The following FASN variants were observed in gnomAD, a reference collection of about 807,000 sequenced individuals.
FASN encodes 3-hydroxyacyl-[acyl-carrier-protein] dehydratase.
Under a neutral mutation model 250.0 loss-of-function variants are expected in FASN, and 50 were observed. That is an observed-to-expected ratio of 0.20 (90% confidence interval 0.16 to 0.25). FASN has a LOEUF of 0.25. FASN is among the 10% of genes least tolerant of loss of function. FASN has a pLI of 1.00. For missense variants in FASN, 3,031 were observed against 3,498.5 expected (o/e 0.87, Z 3.37); for synonymous variants, 1,909 against 1,584.0 (o/e 1.21, Z -4.87).
Position 82,096,305 on chromosome 17 carries a change from C to T in FASN, c.127+14G>A, listed in dbSNP as rs1158131915. 1.9e-5 allele frequency: 30 copies of T among 1,611,794 alleles called. No individual in the cohort carries two copies. Among genetic ancestry groups the T allele is most frequent in the Non-Finnish European group, 2.5e-5 (30 of 1,179,890 alleles). ...CTTCACACCCCAGGCACGGGGAGCC[C>T]CGCAGCCACATACCCGCCTTCCAGC... On this transcript the variant is annotated intron_variant, in intron 2 of 42. Coordinates refer to ENST00000306749, the MANE Select transcript of FASN (RefSeq NM_004104.5).
At position 82,084,391 on chromosome 17, in the gene FASN, G is replaced by A. The variant is rs1201495954; in HGVS notation, c.4769-7C>T. On this transcript the variant is annotated splice_polypyrimidine_tract_variant and splice_region_variant and intron_variant, in intron 27 of 42. Coordinates refer to ENST00000306749, the MANE Select transcript of FASN (RefSeq NM_004104.5). Reference sequence around the variant, plus strand: ...TCCTGGGAGGTCCACTTCCCTGGGGGAGACGGCACTGAGCCCCTCACCGCC... The same window carrying A: ...TCCTGGGAGGTCCACTTCCCTGGGGAAGACGGCACTGAGCCCCTCACCGCC... 1 of 1,603,868 alleles carries A rather than the reference G, an allele frequency of 6.2e-7. No individual in the cohort carries two copies. Among genetic ancestry groups the A allele is most frequent in the Non-Finnish European group, 8.5e-7 (1 of 1,176,000 alleles).
At chr17:82,097,647 G>C (rs752647144) in intron 1 of FASN, 20 of 152,116 alleles carry the variant, frequency 1.3e-4, no homozygotes, top group African/African-American at 4.8e-4. Context: ...GGGGCTGCTC[G>C]GGACCCCTGC....
chr17:82,094,674 G>A (rs970863755), intron 3 of FASN, among the ~76,000 whole-genome samples: 5 of 151,318 alleles, frequency 3.3e-5, no homozygotes, highest in Admixed American at 6.6e-5. Flanking sequence ...CTGTAGTCCC[G>A]GCCACTCAGG....
rs767936043 is a variant in FASN at position 82,095,356 on chromosome 17, G to A, written c.244C>T (p.Leu82=). 1 of 1,612,762 alleles carries A rather than the reference G, an allele frequency of 6.2e-7. No individual in the cohort carries two copies. The highest frequency in any genetic ancestry group is 8.5e-7 in the Non-Finnish European group (1 of 1,180,028). ...AHTMDPQLRL[L]LEVTYEAIVD... ...ATGGCTTCATAGGTGACTTCCAGCAGCAGCCGCAGCTGAGGGTCCATCGTG... is the reference window on the plus strand; with the variant it reads ...ATGGCTTCATAGGTGACTTCCAGCAACAGCCGCAGCTGAGGGTCCATCGTG... Residue 82 remains leucine (L), a synonymous_variant, in exon 3 of 43, where the codon CTG becomes TTG. Transcript: ENST00000306749.
chr17:82,098,188 T>G lies in FASN; in HGVS notation c.-75A>C, dbSNP rs1568120404. ...GCTGGAGCGCGGCGGAGCGGGAGGC[T>G]GAAGCGCGGCGGAGAGGGAGGCCGG... On this transcript the variant is annotated 5_prime_UTR_variant, in exon 1 of 43. Transcript: ENST00000306749. 1.7e-5 allele frequency: 6 copies of G among 363,120 alleles called. No individual in the cohort carries two copies. The highest frequency in any genetic ancestry group is 4.3e-5 in the African/African-American group (2 of 46,754). The allele number at this position is 363,120 out of a possible 1,614,324, so 22.5% of individuals were successfully genotyped here. A position where few individuals can be genotyped will look rare whatever the true frequency, so the allele number is the denominator to read the frequency against.
In FASN at chr17:82,084,827, C is replaced by A; in HGVS notation, c.4536G>T (p.Gly1512=). 2.6e-6 allele frequency: 4 copies of A among 1,550,334 alleles called. No homozygotes were observed. The highest frequency in any genetic ancestry group is 3.5e-6 in the Non-Finnish European group (4 of 1,146,956). Residue 1512 remains glycine, a synonymous_variant, in exon 26 of 43, where the codon GGG becomes GGT. Coordinates refer to ENST00000306749, the MANE Select transcript of FASN (RefSeq NM_004104.5). The part of the protein sequence containing the change: ...VMNVYRDGAW[G]AFRHFLLEED... ...CCTCCAGCAGGAAGTGGCGGAAAGC[C>A]CCCCAGGCCCCGTCGCGGTAGACGT... is the stretch of plus-strand genomic sequence containing the variant.
intron 15 of FASN, 35 bp downstream of exon 15, chr17:82,088,726 C>T: frequency 6.3e-7 from 1 of 1,584,204 alleles, no homozygotes; most frequent in South Asian, 1.1e-5. Context: ...GTCCCCGACT[C>T]CGGGAGACGA....
intron 5 of FASN, 39 bp downstream of exon 5, chr17:82,093,172 CCTGTGCCA>C (rs762000586): frequency 2.7e-4 from 413 of 1,543,780 alleles, no homozygotes; most frequent in Non-Finnish European, 1.2e-4. Context: ...GGGGGGCCGT[CCTGTGCCA>C]CTGTCCCGCC....
At chr17:82,092,119 C>T (rs1347850784) in intron 8 of FASN, among the ~76,000 whole-genome samples, 1 of 152,128 alleles carries the variant, frequency 6.6e-6, no homozygotes, top group Non-Finnish European at 1.5e-5. Context: ...GGGTGGGCGA[C>T]ACGGGAGACC....
At position 82,084,865 on chromosome 17, in the gene FASN, C is replaced by T; in HGVS notation, c.4498G>A (p.Asp1500Asn). The T allele has an allele frequency of 3.2e-6, 5 of 1,550,596 alleles. No homozygotes were observed. The South Asian group carries it at 3.6e-5, about 11-fold the overall frequency. The change falls in exon 26 of 43, where the codon GAC (aspartate) becomes AAC (asparagine). Residue 1500 changes from aspartate to asparagine, a missense_variant. Transcript: ENST00000306749. The part of the protein sequence containing the change: ...SAELQKVLQG[D>N]LVMNVYRDGA... ...TCGCGGTAGACGTTCATCACCAGGTCTCCCTGCAACACCTTCTGCAGTTCT... is the reference window on the plus strand; with the variant it reads ...TCGCGGTAGACGTTCATCACCAGGTTTCCCTGCAACACCTTCTGCAGTTCT...
At chr17:82,090,592 G>A in intron 10 of FASN, 28 bp from the exon 11 acceptor site, 3 of 1,593,738 alleles carry the variant, frequency 1.9e-6, no homozygotes. Context: ...CACTCAGGTT[G>A]CAACCTCCAG....
In FASN at chr17:82,089,766, G is replaced by C. The variant is rs1424263553; in HGVS notation, c.1871-40C>G. On this transcript the variant is annotated intron_variant, in intron 11 of 42. Transcript: ENST00000306749. ...GCCTCAGAGGCTTAGCGTGGACACC[G>C]AGCCGCTCCCAGCCACCCACCCACC... 3.3e-6 allele frequency: 5 copies of C among 1,530,196 alleles called. No individual in the cohort carries two copies. The African/African-American group carries it at 4.1e-5, about 13-fold the overall frequency. 94.8% of individuals were successfully genotyped at this position (1,530,196 alleles called of 1,614,324 possible). A position where few individuals can be genotyped will look rare whatever the true frequency, so the allele number is the denominator to read the frequency against.
rs370621504 is a variant in FASN at position 82,092,851 on chromosome 17, G to A, written c.779-39C>T. ...GGCTCAGTGCTGCAGCCCCAGCCCC[G>A]GCTCCCACCTGCCCCCCAGCACCCC... On this transcript the variant is annotated intron_variant, in intron 6 of 42. Coordinates refer to ENST00000306749, the MANE Select transcript of FASN (RefSeq NM_004104.5). 225 of 1,585,080 alleles carry A rather than the reference G, an allele frequency of 1.4e-4. 1 individual carries two copies. Among genetic ancestry groups the A allele is most frequent in the African/African-American group, 1.3e-3 (96 of 74,468 alleles).
Position 82,080,598 on chromosome 17 carries a change from G to A in FASN, c.6827-8C>T, listed in dbSNP as rs555378711. On this transcript the variant is annotated splice_region_variant and splice_polypyrimidine_tract_variant and intron_variant, in intron 39 of 42. Transcript: ENST00000306749. ...TGCTGTCAAGGGGCGCAGCTGCAAT[G>A]GCAGTGCCGGGCACTCAGCATGTGC... The A allele has an allele frequency of 1.9e-6, 3 of 1,552,678 alleles. No individual in the cohort carries two copies. In the African/African-American group the frequency reaches 4.1e-5, roughly 21 times the overall value.
chr17:82,092,491 G>A lies in FASN; in HGVS notation c.993C>T (p.His331=), dbSNP rs1167342069. 1.9e-6 allele frequency: 3 copies of A among 1,594,076 alleles called. No homozygotes were observed. The highest frequency in any genetic ancestry group is 1.7e-5 in the Admixed American group (1 of 57,394). The change falls in exon 8 of 43, where the codon CAC becomes CAT. Residue 331 remains histidine (H), a synonymous_variant. Coordinates refer to ENST00000306749, the MANE Select transcript of FASN (RefSeq NM_004104.5). ...CTGCCAGCCCCGAGGCTGGCTCCGG[G>A]TGCCCCATGTTGGACTTGGTGGAGC... ...LIGSTKSNMG[H]PEPASGLAAL...
intron 10 of FASN, 24 bp from the exon 11 acceptor site, chr17:82,090,588 G>A: frequency 1.2e-6 from 2 of 1,601,436 alleles, no homozygotes; most frequent in Non-Finnish European, 1.7e-6. Flanking sequence ...AGGACACTCA[G>A]GTTGCAACCT....
At chr17:82,093,846 G>C in intron 3 of FASN, 75 bp from the exon 4 acceptor site, 28 of 1,444,350 alleles carry the variant, frequency 1.9e-5, no homozygotes, top group Non-Finnish European at 2.5e-5. Context: ...CCCGGCTCTG[G>C]GGCGAAGGTC....
chr17:82,087,940 C>G lies in FASN; in HGVS notation c.2866+14G>C, dbSNP rs1208542905. On this transcript the variant is annotated intron_variant, in intron 18 of 42. Transcript: ENST00000306749. ...CACAGCCTCCGCAGCTCCCGTGCCA[C>G]CGGCCCTGCTTACCACTCACTACCA... The G allele has an allele frequency of 1.9e-6, 3 of 1,612,658 alleles. No individual in the cohort carries two copies. The highest frequency in any genetic ancestry group is 3.3e-5 in the Admixed American group (2 of 60,032).
At chr17:82,090,795 C>A in intron 10 of FASN, 87 bp downstream of exon 10, 1 of 1,472,976 alleles carries the variant, frequency 6.8e-7, no homozygotes, top group Non-Finnish European at 9.2e-7. Flanking sequence ...TCAGGGGCCC[C>A]GGACTCAACA....
Sources: gnomAD v4.1 joint callset for allele counts (sites outside exome capture counted in the v4.1 genomes callset) on GRCh38, gnomAD v4.1.1 for gene constraint, MANE v1.5 for transcripts, NCBI Gene and HGNC (gene_info 2026-07-23, HGNC 2026-07-21) for gene names.